YIPF1: variants seen among roughly 807,000 people sequenced by gnomAD.
YIPF1 encodes the protein Yip1 domain family member 1, also known as protein YIPF1.
Under a neutral mutation model 37.0 loss-of-function variants are expected in YIPF1, and 22 were observed. That is an observed-to-expected ratio of 0.59 (90% confidence interval 0.42 to 0.85). The LOEUF is 0.85. YIPF1 is among the 40% of genes least tolerant of loss of function. YIPF1 has a pLI of 0.00. For missense variants in YIPF1, 355 were observed against 373.1 expected (o/e 0.95, Z 0.40); for synonymous variants, 128 against 131.9 (o/e 0.97, Z 0.21).
intron 3 of YIPF1, among the ~76,000 whole-genome samples, chr1:53,883,908 T>C (rs1185034121): frequency 6.6e-6 from 1 of 152,092 alleles, no homozygotes; most frequent in Non-Finnish European, 1.5e-5. Context: ...TAGTGGCACA[T>C]GCCTTGTAAT....
chr1:53,856,365 T>C (rs967047459), intron 10 of YIPF1, among the ~76,000 whole-genome samples: 67 of 152,288 alleles, frequency 4.4e-4, no homozygotes, highest in African/African-American at 1.5e-3. Context: ...CAGGGGCAGG[T>C]TGAGAGAGAC....
rs748021749 is a variant in YIPF1 at position 53,878,643 on chromosome 1, T to C, written c.275A>G (p.Gln92Arg). The change falls in exon 5 of 11, where the codon CAG (glutamine) becomes CGG (arginine). Residue 92 changes from glutamine (Q) to arginine (R), a missense_variant and splice_region_variant. Transcript: ENST00000072644. ...YQTFFDVDTYQVFDRIKGSLL... is the reference protein window; with the variant it reads ...YQTFFDVDTYRVFDRIKGSLL... ...GAAAGGTGAAATTGGTTTCCAAACC[T>C]GGTAGGTGTCCACATCAAAGAATGT... 17 of 1,601,732 alleles carry C rather than the reference T, an allele frequency of 1.1e-5. No individual in the cohort carries two copies. Among genetic ancestry groups the C allele is most frequent in the Admixed American group, 9.1e-5 (5 of 55,022 alleles).
chr1:53,855,858 G>T (rs2100716759), intron 10 of YIPF1, among the ~76,000 whole-genome samples: 1 of 152,314 alleles, frequency 6.6e-6, no homozygotes, highest in Non-Finnish European at 1.5e-5. Flanking sequence ...TGATCCTGAG[G>T]TTCCAGGGAG....
rs57949076 is a variant in YIPF1 at position 53,871,012 on chromosome 1, CAAAAAAAAA to C, written c.481+351_481+359del. On this transcript the variant is annotated intron_variant, in intron 7 of 10. Transcript: ENST00000072644. ...TGGGTGACAGAGCGAGTCACTGTCT[CAAAAAAAAA>C]AAAAAAAAAAAAAAAGGAATAAACT... Among the ~76,000 whole-genome samples the C allele has an allele frequency of 1.8e-4, 12 of 65,250 alleles. No individual in the cohort carries two copies. The East Asian group carries it at 4.0e-3, about 22-fold the overall frequency. 42.8% of individuals were successfully genotyped at this position (65,250 alleles called of 152,430 possible). A position where few individuals can be genotyped will look rare whatever the true frequency, so the allele number is the denominator to read the frequency against.
chr1:53,856,810 C>T (rs1649730536), intron 10 of YIPF1, among the ~76,000 whole-genome samples: 1 of 152,172 alleles, frequency 6.6e-6, no homozygotes, highest in Admixed American at 6.5e-5. Flanking sequence ...GTGCTTGTGA[C>T]TGAGAATCTA....
At chr1:53,871,924 T>C (rs1650201438) in intron 6 of YIPF1, among the ~76,000 whole-genome samples, 1 of 151,772 alleles carries the variant, frequency 6.6e-6, no homozygotes, top group Admixed American at 6.6e-5. Context: ...TTGTGCAGCA[T>C]ACAGAAAGAG....
chr1:53,876,530 G>A (rs1451462520), intron 6 of YIPF1, among the ~76,000 whole-genome samples: 1 of 152,160 alleles, frequency 6.6e-6, no homozygotes, highest in African/African-American at 2.4e-5. Flanking sequence ...GAGCTAATGA[G>A]GCTACTAGTG....
chr1:53,881,224 G>A (rs10465829), intron 4 of YIPF1, among the ~76,000 whole-genome samples: 59,992 of 136,518 alleles, frequency 0.44, 13,087 homozygotes, highest in East Asian at 0.59. Flanking sequence ...CAGCCTAGGC[G>A]ACAAAGCAAG....
rs199947525 is a variant in YIPF1 at position 53,883,196 on chromosome 1, T to C, written c.112A>G (p.Lys38Glu). 6.9e-6 allele frequency: 11 copies of C among 1,601,566 alleles called. No individual in the cohort carries two copies. In the East Asian group the frequency reaches 6.9e-5, roughly 10 times the overall value. ...CCTCTTGGGGATCCTGGCTGATGTTTTGGGGTTTCACCAGGATCCTCAATG... is the reference window on the plus strand; with the variant it reads ...CCTCTTGGGGATCCTGGCTGATGTTCTGGGGTTTCACCAGGATCCTCAATG... ...VNIEDPGETPKHQPGSPRGSG... is the reference protein window; with the variant it reads ...VNIEDPGETPEHQPGSPRGSG... The change falls in exon 4 of 11, where the codon AAA (lysine) becomes GAA (glutamate). Residue 38 changes from lysine to glutamate, a missense_variant. Lys to Glu is a moderately conservative substitution (Grantham distance 56). Coordinates refer to ENST00000072644, the MANE Select transcript of YIPF1 (RefSeq NM_018982.5).
intron 6 of YIPF1, among the ~76,000 whole-genome samples, chr1:53,877,131 G>A (rs1366106382): frequency 6.6e-6 from 1 of 152,154 alleles, no homozygotes; most frequent in African/African-American, 2.4e-5. Flanking sequence ...AGCACCTGCT[G>A]TGTGCCAAGG....
At chr1:53,873,158 G>T (rs1190038403) in intron 6 of YIPF1, among the ~76,000 whole-genome samples, 2 of 152,134 alleles carry the variant, frequency 1.3e-5, no homozygotes, top group African/African-American at 2.4e-5. Flanking sequence ...ACGATGATGG[G>T]CAACAGAGAC....
At chr1:53,863,466 C>G (rs945507981) in intron 9 of YIPF1, among the ~76,000 whole-genome samples, 1 of 152,190 alleles carries the variant, frequency 6.6e-6, no homozygotes, top group Admixed American at 6.5e-5. Flanking sequence ...GCTTTCACAG[C>G]CAGCTCATGG....
At chr1:53,861,120 T>C (rs575333413) in intron 9 of YIPF1, among the ~76,000 whole-genome samples, 1 of 152,356 alleles carries the variant, frequency 6.6e-6, no homozygotes, top group South Asian at 2.1e-4. Flanking sequence ...TGCTATTCCA[T>C]GTTAACTCTT....
At chr1:53,853,112 CTTAA>C (rs1649637182) in intron 10 of YIPF1, among the ~76,000 whole-genome samples, 2 of 152,152 alleles carry the variant, frequency 1.3e-5, no homozygotes, top group Non-Finnish European at 2.9e-5. Flanking sequence ...GGATGGATTT[CTTAA>C]TTAATCCAAC....
intron 9 of YIPF1, among the ~76,000 whole-genome samples, chr1:53,861,685 A>AAGGAAGGAAGGAAGGGAGG (rs1649883895): frequency 1.1e-5 from 1 of 95,004 alleles, no homozygotes; most frequent in Non-Finnish European, 2.1e-5. Flanking sequence ...AGGAAGGGAG[A>AAGGAAGGAAGGAAGGGAGG]GAGAGAGGGA....
intron 6 of YIPF1, among the ~76,000 whole-genome samples, chr1:53,873,710 G>T (rs373593564): frequency 8.5e-4 from 129 of 151,470 alleles, no homozygotes; most frequent in African/African-American, 3.0e-3. Flanking sequence ...AAGTGGGGGC[G>T]GGGGGGAATG....
chr1:53,863,832 T>C (rs1292462412), intron 9 of YIPF1, among the ~76,000 whole-genome samples: 1 of 152,116 alleles, frequency 6.6e-6, no homozygotes, highest in Non-Finnish European at 1.5e-5. Context: ...CTCCACCTCC[T>C]AGGCTCAAGC....
At chr1:53,882,811 A>G (rs1015461040) in intron 4 of YIPF1, 3 of 201,178 alleles carry the variant, frequency 1.5e-5, no homozygotes, top group African/African-American at 2.3e-5. Flanking sequence ...CTCAGGAGAG[A>G]GGCTAAAACA....
chr1:53,871,440 C>T lies in YIPF1; in HGVS notation c.413G>A (p.Gly138Glu), dbSNP rs1207280549. ...ATGGATCAAGAAGTTGGAAAGATTC[C>T]CACTAATTGCTATGGCAAAGACCAA... ...ATLVFAIAIS[G>E]NLSNFLIHLG... The change falls in exon 7 of 11, where the codon GGG becomes GAG. Residue 138 changes from glycine to glutamate, a missense_variant. Physicochemically the swap from Gly to Glu is moderately conservative, Grantham distance 98. Transcript: ENST00000072644. 6.2e-7 allele frequency: 1 copy of T among 1,613,980 alleles called. No homozygotes were observed. Among genetic ancestry groups the T allele is most frequent in the African/African-American group, 1.3e-5 (1 of 74,998 alleles).
Sources: gnomAD v4.1 joint callset for allele counts (sites outside exome capture counted in the v4.1 genomes callset) on GRCh38, gnomAD v4.1.1 for gene constraint, MANE v1.5 for transcripts, NCBI Gene and HGNC (gene_info 2026-07-23, HGNC 2026-07-21) for gene names.